Variants in RBM27 observed in about 807,000 individuals in gnomAD.
RBM27 encodes RNA binding motif protein 27, also known as RNA-binding protein 27.
A neutral mutation model predicts 135.3 loss-of-function variants in RBM27; 22 were observed. The ratio of observed to expected loss-of-function variants is 0.16; its 90% CI spans 0.12 to 0.23. The LOEUF (loss-of-function observed/expected upper bound fraction) is 0.23, where lower values mean the gene tolerates loss of function less well. Ranked by LOEUF, RBM27 falls within the 10% of genes least tolerant of loss-of-function variation. The pLI is 1.00. For missense variants in RBM27, 1,009 were observed against 1,281.0 expected (o/e 0.79, Z 3.24); for synonymous variants, 481 against 442.4 (o/e 1.09, Z -1.10).
chr5:146,203,712 A>C lies in RBM27; in HGVS notation c.-54A>C, dbSNP rs1443269655. ...GGAACGTGAGGGGGCGGCGTAGTGGAGACCCACGGCAGGCCTGAAGAAGAG... is the reference window on the plus strand; with the variant it reads ...GGAACGTGAGGGGGCGGCGTAGTGGCGACCCACGGCAGGCCTGAAGAAGAG... On this transcript the variant is annotated 5_prime_UTR_variant, in exon 1 of 21. Coordinates refer to ENST00000265271, the MANE Select transcript of RBM27 (RefSeq NM_018989.2). 1 of 1,500,400 alleles carries C rather than the reference A, an allele frequency of 6.7e-7. No individual in the cohort carries two copies. Among genetic ancestry groups the C allele is most frequent in the African/African-American group, 1.4e-5 (1 of 71,810 alleles). 92.9% of individuals were successfully genotyped at this position (1,500,400 alleles called of 1,614,324 possible). A position where few individuals can be genotyped will look rare whatever the true frequency, so the allele number is the denominator to read the frequency against.
chr5:146,211,524 G>A (rs1700036530), intron 1 of RBM27, among the ~76,000 whole-genome samples: 1 of 117,974 alleles, frequency 8.5e-6, no homozygotes, highest in African/African-American at 3.1e-5. Context: ...TCTTGTTGCC[G>A]AGGCTGGAGT....
intron 8 of RBM27, among the ~76,000 whole-genome samples, chr5:146,247,518 T>C (rs1757681719): frequency 6.6e-6 from 1 of 152,202 alleles, no homozygotes; most frequent in South Asian, 2.1e-4. Context: ...TATAGAAATA[T>C]CCTTTACTTC....
At chr5:146,229,634 C>A in intron 4 of RBM27, 83 bp from the exon 5 acceptor site, 2 of 1,177,896 alleles carry the variant, frequency 1.7e-6, no homozygotes, top group Middle Eastern at 3.0e-4. Flanking sequence ...TTGGATGACT[C>A]AAGAGTAGTA....
intron 19 of RBM27, among the ~76,000 whole-genome samples, chr5:146,274,803 T>TACA (rs1759023786): frequency 6.6e-6 from 1 of 151,970 alleles, no homozygotes; most frequent in Admixed American, 6.5e-5. Flanking sequence ...CATAAAAACA[T>TACA]ACATTAATAT....
At chr5:146,249,853 G>T (rs898820498) in intron 8 of RBM27, among the ~76,000 whole-genome samples, 2 of 151,460 alleles carry the variant, frequency 1.3e-5, no homozygotes, top group African/African-American at 2.4e-5. Flanking sequence ...GGTTTTTTAC[G>T]TAGGTAAATG....
Position 146,251,719 on chromosome 5 carries a change from A to C in RBM27, c.1288A>C (p.Met430Leu). The C allele has an allele frequency of 6.2e-7, 1 of 1,610,032 alleles. No individual in the cohort carries two copies. Among genetic ancestry groups the C allele is most frequent in the Non-Finnish European group, 8.5e-7 (1 of 1,176,268 alleles). Residue 430 changes from methionine to leucine, a missense_variant, in exon 9 of 21, where the codon ATG (methionine) becomes CTG (leucine). Transcript: ENST00000265271. ...LLYTVSERQP[M>L]YSREHGAAAS... ...TATTCTTTCCTCTATAGGACAGCCC[A>C]TGTACTCTCGTGAACATGGTGCTGC...
chr5:146,206,129 ACCTACTTT>A (rs1266079472), intron 1 of RBM27, among the ~76,000 whole-genome samples: 1 of 152,230 alleles, frequency 6.6e-6, no homozygotes, highest in Non-Finnish European at 1.5e-5. Flanking sequence ...AGAAAAAACA[ACCTACTTT>A]CCAGACAAGT....
At chr5:146,219,869 C>CT (rs1756371305) in intron 2 of RBM27, among the ~76,000 whole-genome samples, 1 of 151,942 alleles carries the variant, frequency 6.6e-6, no homozygotes, top group South Asian at 2.1e-4. Context: ...TTTTATTTTT[C>CT]TTTTTTATTT....
chr5:146,209,030 C>CT, intron 1 of RBM27, among the ~76,000 whole-genome samples: 2 of 152,216 alleles, frequency 1.3e-5, no homozygotes, highest in Middle Eastern at 3.4e-3. Context: ...GTATCTATCT[C>CT]TAATTCACTC....
intron 8 of RBM27, among the ~76,000 whole-genome samples, chr5:146,250,055 G>A (rs1005607480): frequency 6.6e-6 from 1 of 152,088 alleles, no homozygotes. Flanking sequence ...TTCCCTTTAG[G>A]GACTTACTGT....
At chr5:146,236,371 T>C (rs1489733208) in intron 7 of RBM27, among the ~76,000 whole-genome samples, 8 of 152,226 alleles carry the variant, frequency 5.3e-5, no homozygotes, top group African/African-American at 1.7e-4. Flanking sequence ...ACTTGAATTC[T>C]GTAGAACTTT....
In RBM27 at chr5:146,214,567, G is replaced by GT. The variant is rs538742435; in HGVS notation, c.60-4412dup. Among the ~76,000 whole-genome samples, 30 of 152,210 alleles carry GT rather than the reference G, an allele frequency of 2.0e-4. No homozygotes were observed. In the East Asian group the frequency reaches 5.4e-3, roughly 27 times the overall value. ...ATACTGTAGCTACAGTATCATGGCT[G>GT]TTTTTTAGAGATTATATAGTGAGGG... On this transcript the variant is annotated intron_variant, in intron 1 of 20. Transcript: ENST00000265271.
intron 8 of RBM27, among the ~76,000 whole-genome samples, chr5:146,250,770 C>CTTTTTTTTTTTTTTTTTTTTTT (rs58027855): frequency 5.4e-4 from 39 of 72,648 alleles, no homozygotes; most frequent in Admixed American, 6.8e-4. Context: ...TTTTTTTGTC[C>CTTTTTTTTTTTTTTTTTTTTTT]TTTTTTTTTT....
chr5:146,239,967 C>T (rs892470771), intron 8 of RBM27, among the ~76,000 whole-genome samples: 9 of 151,758 alleles, frequency 5.9e-5, no homozygotes, highest in Non-Finnish European at 1.0e-4. Flanking sequence ...TTTGTAGAGA[C>T]GGAGTCTCAC....
intron 10 of RBM27, among the ~76,000 whole-genome samples, chr5:146,256,302 A>G (rs1359144826): frequency 1.4e-5 from 2 of 146,664 alleles, no homozygotes; most frequent in Non-Finnish European, 3.0e-5. Context: ...TTATATATAT[A>G]TTATTTATAT....
Position 146,256,829 on chromosome 5 carries a change from G to T in RBM27, c.1595-1620G>T, listed in dbSNP as rs1250502856. ...TACAACAAGATTTCTTTGTTGTCTT[G>T]GGTAAGTCACTTAACCTTTAGTGAC... On this transcript the variant is annotated intron_variant, in intron 10 of 20. Coordinates refer to ENST00000265271, the MANE Select transcript of RBM27 (RefSeq NM_018989.2). Among the ~76,000 whole-genome samples the T allele has an allele frequency of 1.3e-5, 2 of 151,820 alleles. 1 individual carries two copies. The highest frequency in any genetic ancestry group is 1.3e-4 in the Admixed American group (2 of 15,220).
At position 146,288,739 on chromosome 5, in the gene RBM27, G is replaced by A. The variant is rs1316159124; in HGVS notation, c.*2709G>A. On this transcript the variant is annotated 3_prime_UTR_variant, in exon 21 of 21. Coordinates refer to ENST00000265271, the MANE Select transcript of RBM27 (RefSeq NM_018989.2). ...CAGCCTGATATACTAGTGGATCACT[G>A]TCCAAGATAAAAAGGTAACCCCAAG... 5 of 152,046 alleles carry A rather than the reference G, an allele frequency of 3.3e-5. No homozygotes were observed. Among genetic ancestry groups the A allele is most frequent in the Non-Finnish European group, 7.4e-5 (5 of 67,944 alleles). The allele number at this position is 152,046 out of a possible 1,614,324, so 9.4% of individuals were successfully genotyped here. A position where few individuals can be genotyped will look rare whatever the true frequency, so the allele number is the denominator to read the frequency against.
chr5:146,255,658 T>C (rs1336810452), intron 10 of RBM27, among the ~76,000 whole-genome samples: 1 of 152,162 alleles, frequency 6.6e-6, no homozygotes, highest in Non-Finnish European at 1.5e-5. Flanking sequence ...ACCTCCTACC[T>C]ACTCCCCCAC....
At chr5:146,282,158 A>G (rs1759387235) in intron 19 of RBM27, among the ~76,000 whole-genome samples, 1 of 152,082 alleles carries the variant, frequency 6.6e-6, no homozygotes, top group Non-Finnish European at 1.5e-5. Flanking sequence ...GGCGTGTGCC[A>G]GTACCCCTGG....
Sources: gnomAD v4.1 joint callset for allele counts (sites outside exome capture counted in the v4.1 genomes callset) on GRCh38, gnomAD v4.1.1 for gene constraint, MANE v1.5 for transcripts, NCBI Gene and HGNC (gene_info 2026-07-23, HGNC 2026-07-21) for gene names.